The following PCGF5 variants were observed in gnomAD, a reference collection of about 807,000 sequenced individuals.
The protein encoded by PCGF5 is polycomb group ring finger 5.
PCGF5 carries 9 observed loss-of-function variants against 44.3 expected under a neutral mutation model. That is an observed-to-expected ratio of 0.20 (90% CI 0.12 to 0.35). PCGF5 has a LOEUF of 0.35. Among genes scored for constraint, PCGF5 ranks in the 10% least tolerant of loss-of-function variants. The probability of loss-of-function intolerance (pLI) is 1.00; values close to 1 mark genes in which losing one functional copy is unlikely to be tolerated. For synonymous variants in PCGF5, 95 were observed against 102.5 expected (o/e 0.93, Z 0.44); for missense variants, 146 against 305.3 (o/e 0.48, Z 3.89).
intron 1 of PCGF5, among the ~76,000 whole-genome samples, chr10:91,190,033 CA>C (rs1844003350): frequency 6.6e-6 from 1 of 152,200 alleles, no homozygotes; most frequent in Non-Finnish European, 1.5e-5. Flanking sequence ...CAAAGCACCA[CA>C]AACTGTATGG....
chr10:91,227,467 T>C, intron 2 of PCGF5: 1 of 1,284,874 alleles, frequency 7.8e-7, no homozygotes, highest in Non-Finnish European at 1.0e-6. Flanking sequence ...CTTGACTCTT[T>C]ACCCTCACTA....
chr10:91,254,480 A>T (rs1845700475), intron 6 of PCGF5, among the ~76,000 whole-genome samples: 1 of 151,958 alleles, frequency 6.6e-6, no homozygotes, highest in African/African-American at 2.4e-5. Flanking sequence ...TTAGTTTGTT[A>T]TCTATTAAGG....
chr10:91,246,974 GATA>G (rs1845480162), intron 3 of PCGF5, among the ~76,000 whole-genome samples: 18 of 9,618 alleles, frequency 1.9e-3, no homozygotes, highest in Middle Eastern at 0.031. Flanking sequence ...TGGATAGATA[GATA>G]GATAGATAGA....
chr10:91,214,810 G>T (rs1214156718), intron 1 of PCGF5, among the ~76,000 whole-genome samples: 1 of 152,202 alleles, frequency 6.6e-6, no homozygotes, highest in Non-Finnish European at 1.5e-5. Flanking sequence ...CCAGAGAAAG[G>T]TTGATTAAAC....
intron 1 of PCGF5, among the ~76,000 whole-genome samples, chr10:91,186,562 GTGTGTGTGTATATATA>G (rs1843928721): frequency 2.2e-5 from 3 of 137,142 alleles, no homozygotes; most frequent in Admixed American, 8.4e-5. Context: ...ATATATATGT[GTGTGTGTGTATATATA>G]TGTGTGTGTA....
rs190515748 is a variant in PCGF5, at chr10:91,198,269, G to A, written c.-183-24420G>A. On this transcript the variant is annotated intron_variant, in intron 1 of 9. Transcript: ENST00000614189. ...TGTCTCCCTGACCTCAGTCCCATCT[G>A]CTCATTCTCAACCACACTGGCCCCC... Among the ~76,000 whole-genome samples, 28 of 152,276 alleles carry A rather than the reference G, an allele frequency of 1.8e-4. No homozygotes were observed. The East Asian group carries it at 5.4e-3, about 29-fold the overall frequency.
At chr10:91,163,561 C>T (rs971895955) in intron 1 of PCGF5, among the ~76,000 whole-genome samples, 4 of 152,082 alleles carry the variant, frequency 2.6e-5, no homozygotes, top group East Asian at 1.9e-4. Context: ...TCGGGCCCTT[C>T]CCCCGCCGGC....
intron 1 of PCGF5, among the ~76,000 whole-genome samples, chr10:91,189,905 G>A (rs912598137): frequency 1.3e-5 from 2 of 152,166 alleles, no homozygotes; most frequent in Admixed American, 6.5e-5. Flanking sequence ...GGAAACATAC[G>A]GAGATTTTAA....
intron 1 of PCGF5, among the ~76,000 whole-genome samples, chr10:91,184,081 C>A (rs1037106584): frequency 6.6e-6 from 1 of 152,060 alleles, no homozygotes; most frequent in African/African-American, 2.4e-5. Flanking sequence ...GGGTTCTCTG[C>A]ATTTCCTGAA....
upstream of PCGF5, among the ~76,000 whole-genome samples, chr10:91,219,162 A>G (rs142763163): frequency 5.2e-3 from 786 of 151,908 alleles, 8 homozygotes; most frequent in African/African-American, 0.018. Flanking sequence ...TGGCAACCCC[A>G]CCTCCACATT....
intron 2 of PCGF5, chr10:91,227,870 C>T: frequency 4.1e-6 from 4 of 984,464 alleles, no homozygotes; most frequent in Non-Finnish European, 4.8e-6. Context: ...CTTTAAAACT[C>T]ATCCCCTCTA....
intron 2 of PCGF5, among the ~76,000 whole-genome samples, chr10:91,223,839 A>T (rs1844744948): frequency 6.6e-6 from 1 of 152,164 alleles, no homozygotes; most frequent in African/African-American, 2.4e-5. Context: ...CATTTTATGG[A>T]TGTGGAAACT....
chr10:91,217,679 C>T (rs868148668), upstream of PCGF5, among the ~76,000 whole-genome samples: 6 of 152,210 alleles, frequency 3.9e-5, no homozygotes, highest in Non-Finnish European at 7.3e-5. Flanking sequence ...AGGGAATCAC[C>T]AGTGGCCACT....
intron 7 of PCGF5, among the ~76,000 whole-genome samples, 185 bp from the exon 8 acceptor site, chr10:91,264,246 A>G (rs1489078805): frequency 6.6e-6 from 1 of 152,244 alleles, no homozygotes; most frequent in Non-Finnish European, 1.5e-5. Flanking sequence ...TATACAGCAT[A>G]GTAACAGTAT....
intron 1 of PCGF5, among the ~76,000 whole-genome samples, chr10:91,191,157 A>G (rs1376826130): frequency 1.3e-5 from 2 of 152,244 alleles, no homozygotes; most frequent in East Asian, 3.8e-4. Flanking sequence ...TTAATTTACA[A>G]ATTAGGCACA....
At chr10:91,176,673 T>TACCCTTTCTTCCA (rs1843713629) in intron 1 of PCGF5, among the ~76,000 whole-genome samples, 1 of 152,244 alleles carries the variant, frequency 6.6e-6, no homozygotes, top group Non-Finnish European at 1.5e-5. Context: ...CCATCACTGA[T>TACCCTTTCTTCCA]ACCCTTTCTT....
At chr10:91,163,980 G>A (rs1276730513) in intron 1 of PCGF5, among the ~76,000 whole-genome samples, 3 of 152,248 alleles carry the variant, frequency 2.0e-5, no homozygotes, top group Non-Finnish European at 1.5e-5. Flanking sequence ...TTTGTACTTT[G>A]AAACATTTGT....
chr10:91,249,833 G>A (rs1228608714), intron 5 of PCGF5, among the ~76,000 whole-genome samples: 1 of 151,888 alleles, frequency 6.6e-6, no homozygotes, highest in Non-Finnish European at 1.5e-5. Context: ...AAAATAACTA[G>A]GGCTTGTTTT....
intron 2 of PCGF5, among the ~76,000 whole-genome samples, chr10:91,225,254 CGT>C (rs1400405117): frequency 3.5e-5 from 5 of 144,058 alleles, no homozygotes; most frequent in Admixed American, 2.8e-4. Flanking sequence ...TGATATATAT[CGT>C]ATATATGTAT....
Sources: allele counts gnomAD v4.1 joint callset (sites outside exome capture counted in the v4.1 genomes callset), GRCh38; gene constraint gnomAD v4.1.1; transcripts MANE v1.5; gene names NCBI Gene and HGNC (gene_info 2026-07-23, HGNC 2026-07-21).